The following EFHD1 variants were observed in gnomAD, a reference collection of about 807,000 sequenced individuals.
The protein encoded by EFHD1 is EF-hand domain-containing protein D1.
Under a neutral mutation model 17.2 loss-of-function variants are expected in EFHD1, and 10 were observed. The observed-to-expected ratio is 0.58, with a 90% CI of 0.36 to 0.99. The LOEUF (loss-of-function observed/expected upper bound fraction) is 0.99, where lower values mean the gene tolerates loss of function less well. EFHD1 is among the 50% of genes least tolerant of loss of function. EFHD1 has a pLI of 0.01. For missense variants in EFHD1, 310 were observed against 327.5 expected (o/e 0.95, Z 0.41); for synonymous variants, 153 against 142.0 (o/e 1.08, Z -0.55).
intron 2 of EFHD1, among the ~76,000 whole-genome samples, chr2:232,670,742 C>G (rs552849819): frequency 1.3e-5 from 2 of 151,368 alleles, no homozygotes; most frequent in South Asian, 2.1e-4. Context: ...GAAGGTTTTT[C>G]TAAGCATAAC....
chr2:232,637,312 G>T (rs1205723095), intron 1 of EFHD1, among the ~76,000 whole-genome samples: 3 of 149,752 alleles, frequency 2.0e-5, no homozygotes, highest in African/African-American at 4.9e-5. Flanking sequence ...TGCTCTCCCT[G>T]TGTGTGTTTC....
upstream of EFHD1, among the ~76,000 whole-genome samples, chr2:232,629,722 G>T (rs1694169441): frequency 6.6e-6 from 1 of 151,962 alleles, no homozygotes; most frequent in African/African-American, 2.4e-5. Context: ...ACCCGCCTCG[G>T]CCTCCCAAAG....
chr2:232,647,797 C>T (rs560959142), intron 1 of EFHD1, among the ~76,000 whole-genome samples: 7 of 152,212 alleles, frequency 4.6e-5, no homozygotes, highest in Admixed American at 1.3e-4. Flanking sequence ...CCACCACACC[C>T]GGCTAATTTT....
rs140191862 is a variant in EFHD1 at position 232,663,749 on chromosome 2, C to T, written c.450+800C>T. ...GGTACCCATCACCTCCAGCATTTATCATTTCTTTGTGTTTGAAACATTCTA... is the reference window on the plus strand; with the variant it reads ...GGTACCCATCACCTCCAGCATTTATTATTTCTTTGTGTTTGAAACATTCTA... On this transcript the variant is annotated intron_variant, in intron 2 of 3. Transcript: ENST00000264059. Among the ~76,000 whole-genome samples the T allele has an allele frequency of 2.3e-3, 350 of 151,986 alleles. 7 individuals carry two copies. The highest frequency in any genetic ancestry group is 0.018 in the Admixed American group (269 of 15,260).
intron 2 of EFHD1, among the ~76,000 whole-genome samples, chr2:232,663,396 C>A (rs1005276785): frequency 6.6e-6 from 1 of 151,978 alleles, no homozygotes; most frequent in South Asian, 2.1e-4. Context: ...TTTTTTGAGA[C>A]AGTCTCACTC....
chr2:232,672,680 G>C (rs2106217410), intron 3 of EFHD1, among the ~76,000 whole-genome samples: 1 of 152,304 alleles, frequency 6.6e-6, no homozygotes, highest in South Asian at 2.1e-4. Context: ...GTATGATGGA[G>C]GGGTGACAAT....
At chr2:232,664,432 C>T (rs1229075901) in intron 2 of EFHD1, among the ~76,000 whole-genome samples, 1 of 151,086 alleles carries the variant, frequency 6.6e-6, no homozygotes. Context: ...ATTTTTATAG[C>T]ATGCAAAAAT....
In EFHD1 at chr2:232,614,500, G is replaced by A. The variant is rs150506071; in HGVS notation, c.14+8327G>A. ...TCTTCCTTACAATTTCCTTGATAAC[G>A]TTTTGTCTTCTGTAGCTGACTTTAT... is the stretch of plus-strand genomic sequence containing the variant. On this transcript the variant is annotated intron_variant, in intron 1 of 3. Coordinates refer to the EFHD1 transcript ENST00000409613. Among the ~76,000 whole-genome samples the A allele has an allele frequency of 3.3e-3, 501 of 152,154 alleles. 5 individuals are homozygous for A. Among genetic ancestry groups the A allele is most frequent in the African/African-American group, 0.011 (477 of 41,506 alleles).
intron 2 of EFHD1, among the ~76,000 whole-genome samples, chr2:232,671,388 A>G (rs756683311): frequency 7.9e-5 from 12 of 152,078 alleles, no homozygotes; most frequent in Admixed American, 6.6e-4. Flanking sequence ...GCAGTGAGCT[A>G]TGAACACACC....
upstream of EFHD1, among the ~76,000 whole-genome samples, chr2:232,629,572 G>A (rs183877044): frequency 3.2e-3 from 483 of 151,948 alleles, 13 homozygotes; most frequent in Non-Finnish European, 5.4e-4. Context: ...GAGTTCAAGC[G>A]ATTCTTCTGC....
chr2:232,609,171 T>C (rs1325472803), intron 1 of EFHD1, among the ~76,000 whole-genome samples: 1 of 148,984 alleles, frequency 6.7e-6, no homozygotes, highest in Non-Finnish European at 1.5e-5. Context: ...GTGATTCTCC[T>C]GTCTCAGCCT....
rs768645362 is a variant in EFHD1, at chr2:232,681,573, A to C, written c.586-12A>C. 3 of 1,613,460 alleles carry C rather than the reference A, an allele frequency of 1.9e-6. No homozygotes were observed. The South Asian group carries it at 3.3e-5, about 18-fold the overall frequency. ...CTTACTCGTTTGGTCTATGTCTGCTATTTCTCTGCAGGTCCAAGCCTTGTC... is the reference window on the plus strand; with the variant it reads ...CTTACTCGTTTGGTCTATGTCTGCTCTTTCTCTGCAGGTCCAAGCCTTGTC... On this transcript the variant is annotated splice_polypyrimidine_tract_variant and intron_variant, in intron 3 of 3. Coordinates refer to ENST00000264059, the MANE Select transcript of EFHD1 (RefSeq NM_025202.4).
At chr2:232,655,697 A>G (rs1183324622) in intron 1 of EFHD1, among the ~76,000 whole-genome samples, 2 of 152,216 alleles carry the variant, frequency 1.3e-5, no homozygotes, top group Non-Finnish European at 2.9e-5. Context: ...TTCCATGCAC[A>G]GAGCCCAGTT....
chr2:232,676,944 G>A (rs1695184168), intron 3 of EFHD1, among the ~76,000 whole-genome samples: 1 of 152,000 alleles, frequency 6.6e-6, no homozygotes, highest in African/African-American at 2.4e-5. Flanking sequence ...AGGTTGCAGT[G>A]AGCTATGATC....
intron 1 of EFHD1, among the ~76,000 whole-genome samples, chr2:232,627,758 CTT>C (rs1694134327): frequency 6.6e-6 from 1 of 151,566 alleles, no homozygotes; most frequent in South Asian, 2.1e-4. Context: ...TCTCTTCTCT[CTT>C]CTTATCAATG....
chr2:232,662,111 A>G (rs1694879673), intron 1 of EFHD1, among the ~76,000 whole-genome samples: 1 of 151,974 alleles, frequency 6.6e-6, no homozygotes, highest in Admixed American at 6.6e-5. Context: ...AGGAGGGGAC[A>G]GGCCCAGTCC....
At chr2:232,606,530 A>G (rs1240879608) in intron 1 of EFHD1, 2 of 351,742 alleles carry the variant, frequency 5.7e-6, no homozygotes, top group Non-Finnish European at 1.1e-5. Flanking sequence ...AGTCGTGGGT[A>G]GACCCGGCGC....
intron 1 of EFHD1, among the ~76,000 whole-genome samples, chr2:232,649,410 C>G (rs919854832): frequency 6.6e-6 from 1 of 152,188 alleles, no homozygotes; most frequent in Non-Finnish European, 1.5e-5. Flanking sequence ...GGGCCTTATC[C>G]TCTGATAGGA....
upstream of EFHD1, among the ~76,000 whole-genome samples, chr2:232,628,620 A>G (rs1402709173): frequency 6.6e-6 from 1 of 152,150 alleles, no homozygotes; most frequent in Non-Finnish European, 1.5e-5. Context: ...TCGGGGCTGA[A>G]AGAGAAATCT....
Sources: gnomAD v4.1 joint callset for allele counts (sites outside exome capture counted in the v4.1 genomes callset) on GRCh38, gnomAD v4.1.1 for gene constraint, MANE v1.5 for transcripts, NCBI Gene and HGNC (gene_info 2026-07-23, HGNC 2026-07-21) for gene names.